Variants in CRY2 observed in about 807,000 individuals in gnomAD.
CRY2 encodes the protein cryptochrome circadian regulator 2, also known as cryptochrome-2.
Under a neutral mutation model 69.5 loss-of-function variants are expected in CRY2, and 31 were observed. The ratio of observed to expected loss-of-function variants is 0.45; its 90% confidence interval spans 0.34 to 0.60. CRY2 has a LOEUF of 0.60. Ranked by LOEUF, CRY2 falls within the 20% of genes least tolerant of loss-of-function variation. CRY2 has a pLI of 0.02. For missense variants in CRY2, 606 were observed against 797.8 expected (o/e 0.76, Z 2.90); for synonymous variants, 303 against 312.2 (o/e 0.97, Z 0.31).
rs548312895 is a variant in CRY2, at chr11:45,867,922, G to A, written c.882+170G>A. On this transcript the variant is annotated intron_variant, in intron 6 of 11. Transcript: ENST00000616080. ...GGAGGAGAGAAGACTCAATATCCAA[G>A]AGGGCAGAGCCAAGCACAGAGTGAA... The A allele has an allele frequency of 1.1e-5, 9 of 827,744 alleles. No individual in the cohort carries two copies. In the African/African-American group the frequency reaches 1.5e-4, roughly 14 times the overall value. The allele number at this position is 827,744 out of a possible 1,614,324, so 51.3% of individuals were successfully genotyped here.
chr11:45,857,687 T>C (rs964872826), intron 2 of CRY2, among the ~76,000 whole-genome samples: 2 of 152,204 alleles, frequency 1.3e-5, no homozygotes, highest in Admixed American at 6.5e-5. Flanking sequence ...AGAAGAATTA[T>C]ATTGAAGGAG....
chr11:45,861,747 T>A (rs17787106), intron 4 of CRY2: 66,759 of 321,226 alleles, frequency 0.21, 7,507 homozygotes, highest in Non-Finnish European at 0.24. Flanking sequence ...AGTCTTTTGA[T>A]CTGAACAAAG....
chr11:45,872,490 C>T (rs2086393887), intron 11 of CRY2, among the ~76,000 whole-genome samples: 1 of 152,006 alleles, frequency 6.6e-6, no homozygotes, highest in African/African-American at 2.4e-5. Flanking sequence ...TATGTAATCC[C>T]AGCACTTTGG....
chr11:45,862,724 C>T (rs565227708), intron 5 of CRY2, among the ~76,000 whole-genome samples: 2 of 152,228 alleles, frequency 1.3e-5, no homozygotes, highest in East Asian at 1.9e-4. Flanking sequence ...GATGTGTCTC[C>T]GCACCTTTTT....
intron 1 of CRY2, among the ~76,000 whole-genome samples, chr11:45,853,186 T>A (rs1050557078): frequency 2.6e-5 from 4 of 152,218 alleles, no homozygotes; most frequent in African/African-American, 9.6e-5. Context: ...AAAATGGGAA[T>A]AATAATATTA....
upstream of CRY2, chr11:45,847,425 G>T: frequency 6.3e-7 from 1 of 1,593,184 alleles, no homozygotes. Context: ...CACTGGGCGG[G>T]CTATGGGCGG....
chr11:45,864,912 A>G (rs1447795474), intron 5 of CRY2, among the ~76,000 whole-genome samples: 3 of 152,104 alleles, frequency 2.0e-5, no homozygotes, highest in Admixed American at 6.5e-5. Flanking sequence ...GGCTCCCACA[A>G]TCATGCCTGG....
chr11:45,880,713 T>A (rs2086465356), intron 11 of CRY2, among the ~76,000 whole-genome samples: 1 of 152,154 alleles, frequency 6.6e-6, no homozygotes, highest in Non-Finnish European at 1.5e-5. Flanking sequence ...CATCAGCACC[T>A]CAGAGGGGCA....
At position 45,872,173 on chromosome 11, in the gene CRY2, G is replaced by A. The variant is rs1290127790; in HGVS notation, c.1724G>A (p.Ser575Asn). Residue 575 changes from serine (S) to asparagine (N), a missense_variant, in exon 11 of 12, where the codon AGC becomes AAC. Ser to Asn is a conservative substitution (Grantham distance 46). This residue lies in a region of CRY2 where 173 missense variants were observed against 213.7 expected (regional missense o/e 0.81). Transcript: ENST00000616080. Reference protein sequence around the residue: ...AAEEPPGEELSKRARVAELPT... With the variant: ...AAEEPPGEELNKRARVAELPT... ...GAGGAACCACCTGGTGAAGAACTCA[G>A]CAAACGGGCCCGGGTGGCAGAGTTG... is the stretch of plus-strand genomic sequence containing the variant. 4 of 1,614,080 alleles carry A rather than the reference G, an allele frequency of 2.5e-6. No individual in the cohort carries two copies. The Admixed American group carries it at 5.0e-5, about 20-fold the overall frequency.
In CRY2 at chr11:45,881,202, G is replaced by C. The variant is rs1193349088; in HGVS notation, c.*291G>C. ...GGTTATGGCAGTGACTTTCAGCTGA[G>C]ACCTGTTCCTGCAAGCCAGCTGCCT... On this transcript the variant is annotated 3_prime_UTR_variant, in exon 12 of 12. Transcript: ENST00000616080. 3 of 152,328 alleles carry C rather than the reference G, an allele frequency of 2.0e-5. No individual in the cohort carries two copies. The highest frequency in any genetic ancestry group is 2.9e-5 in the Non-Finnish European group (2 of 68,078). The allele number at this position is 152,328 out of a possible 1,614,324, so 9.4% of individuals were successfully genotyped here.
chr11:45,849,142 C>T (rs1322998199), intron 1 of CRY2, among the ~76,000 whole-genome samples: 1 of 152,194 alleles, frequency 6.6e-6, no homozygotes, highest in Admixed American at 6.5e-5. Flanking sequence ...TTGCATAGTA[C>T]TGCCTACTCT....
In CRY2 at chr11:45,865,676, G is replaced by A. The variant is rs1334216579; in HGVS notation, c.742-1936G>A. 3.9e-5 allele frequency among the ~76,000 whole-genome samples: 6 copies of A among 152,134 alleles called. No homozygotes were observed. The East Asian group carries it at 1.2e-3, about 29-fold the overall frequency. Reference sequence around the variant, plus strand: ...AGTGAGAGCAGATGCGTAAAGAAGAGGGGCAGCAGGAGGCGGAGGGTACAG... The same window carrying A: ...AGTGAGAGCAGATGCGTAAAGAAGAAGGGCAGCAGGAGGCGGAGGGTACAG... On this transcript the variant is annotated intron_variant, in intron 5 of 11. Coordinates refer to ENST00000616080, the MANE Select transcript of CRY2 (RefSeq NM_021117.5).
At chr11:45,849,949 G>A (rs1376616123) in intron 1 of CRY2, among the ~76,000 whole-genome samples, 8 of 151,614 alleles carry the variant, frequency 5.3e-5, no homozygotes, top group Non-Finnish European at 8.8e-5. Flanking sequence ...TGTTAGAATT[G>A]TTCTGGGTTA....
rs556598184 is a variant in CRY2, at chr11:45,881,578, A to G, written c.*667A>G. On this transcript the variant is annotated 3_prime_UTR_variant, in exon 12 of 12. Transcript: ENST00000616080. ...CTAAAAAGTTTCCACCACCCTACAG[A>G]AGTACACACAGATACCTGACTGGTG... 6.6e-6 allele frequency: 1 copy of G among 152,358 alleles called. No homozygotes were observed. The highest frequency in any genetic ancestry group is 2.1e-4 in the South Asian group (1 of 4,822). 9.4% of individuals were successfully genotyped at this position (152,358 alleles called of 1,614,324 possible).
In CRY2 at chr11:45,869,833, A is replaced by G. The variant is rs746936315; in HGVS notation, c.1194+16A>G. 3.5e-5 allele frequency: 56 copies of G among 1,592,826 alleles called. No individual in the cohort carries two copies. Among genetic ancestry groups the G allele is most frequent in the Non-Finnish European group, 4.6e-5 (54 of 1,167,208 alleles). On this transcript the variant is annotated intron_variant, in intron 7 of 11. Coordinates refer to ENST00000616080, the MANE Select transcript of CRY2 (RefSeq NM_021117.5). ...CGGGGTCCGGGTGAGTGCTCTCTCAACGAAAAGCTGGCCTGTACCCTCTGG... is the reference window on the plus strand; with the variant it reads ...CGGGGTCCGGGTGAGTGCTCTCTCAGCGAAAAGCTGGCCTGTACCCTCTGG...
At chr11:45,847,359 A>G, upstream of CRY2, 5 of 1,597,876 alleles carry the variant, frequency 3.1e-6, no homozygotes, top group Non-Finnish European at 4.3e-6. Flanking sequence ...CCAATGGCAG[A>G]GGGGCTCTGG....
At chr11:45,861,955 G>A in intron 4 of CRY2, 105 bp from the exon 5 acceptor site, 2 of 955,946 alleles carry the variant, frequency 2.1e-6, no homozygotes, top group Non-Finnish European at 3.2e-6. Context: ...GTAGCACCGA[G>A]ACACTGTGGT....
chr11:45,870,532 T>C lies in CRY2; in HGVS notation c.1549T>C (p.Cys517Arg). 2 of 1,613,840 alleles carry C rather than the reference T, an allele frequency of 1.2e-6. No individual in the cohort carries two copies. Among genetic ancestry groups the C allele is most frequent in the Non-Finnish European group, 1.7e-6 (2 of 1,179,920 alleles). Reference protein sequence around the residue: ...YQQLSRYRGLCLLASVPSCVE... With the variant: ...YQQLSRYRGLRLLASVPSCVE... ...GCAGCTTTCGCGCTACCGGGGACTC[T>C]GTAAGGAGACAAACACCTAGCTCAC... Residue 517 changes from cysteine to arginine, a missense_variant and splice_region_variant, in exon 9 of 12, where the codon TGT (cysteine) becomes CGT (arginine). This residue lies in a region of CRY2 where 173 missense variants were observed against 213.7 expected (regional missense o/e 0.81). Coordinates refer to ENST00000616080, the MANE Select transcript of CRY2 (RefSeq NM_021117.5).
At chr11:45,859,995 A>G (rs1170939491) in intron 3 of CRY2, among the ~76,000 whole-genome samples, 6 of 152,166 alleles carry the variant, frequency 3.9e-5, no homozygotes, top group Non-Finnish European at 5.9e-5. Context: ...TATCTCCACT[A>G]ACGTGGGGAG....
Sources: allele counts gnomAD v4.1 joint callset (sites outside exome capture counted in the v4.1 genomes callset), GRCh38; gene constraint gnomAD v4.1.1; regional missense constraint gnomAD v4.1.1; transcripts MANE v1.5; gene names NCBI Gene and HGNC (gene_info 2026-07-23, HGNC 2026-07-21).